SPAM1: variants seen among roughly 807,000 people sequenced by gnomAD.
SPAM1 encodes sperm adhesion molecule 1, also known as hyaluronidase PH-20.
Under a neutral mutation model 29.6 loss-of-function variants are expected in SPAM1, and 22 were observed. That is an observed-to-expected ratio of 0.74 (90% CI 0.53 to 1.06). The LOEUF (loss-of-function observed/expected upper bound fraction) is 1.06, where lower values mean the gene tolerates loss of function less well. Among genes scored for constraint, SPAM1 ranks in the 50% least tolerant of loss-of-function variants. The probability of loss-of-function intolerance (pLI) is 0.00; values close to 1 mark genes in which losing one functional copy is unlikely to be tolerated. For missense variants in SPAM1, 534 were observed against 604.0 expected (o/e 0.88, Z 1.21); for synonymous variants, 194 against 204.6 (o/e 0.95, Z 0.44).
intron 4 of SPAM1, among the ~76,000 whole-genome samples, chr7:123,958,066 T>C (rs1236594590): frequency 1.3e-5 from 2 of 152,018 alleles, no homozygotes; most frequent in African/African-American, 4.8e-5. Context: ...TCACATAAGT[T>C]CACATTGTCA....
At position 123,953,630 on chromosome 7, in the gene SPAM1, A is replaced by G. The variant is rs565160327; in HGVS notation, c.60A>G (p.Val20=). ...FFRSFVKSSG[V]SQIVFTFLLI... is the part of the protein sequence containing the mutation. ...GAAGCTTTGTTAAATCAAGTGGAGT[A>G]TCCCAGATAGTTTTCACCTTCCTTC... The change falls in exon 3 of 5, where the codon GTA becomes GTG. Residue 20 remains valine, a synonymous_variant. Transcript: ENST00000682466. 4.8e-4 allele frequency: 771 copies of G among 1,612,424 alleles called. 15 individuals are homozygous for G. In the South Asian group the frequency reaches 8.1e-3, roughly 17 times the overall value.
chr7:123,934,626 T>A (rs898025596), intron 1 of SPAM1, among the ~76,000 whole-genome samples: 3 of 149,544 alleles, frequency 2.0e-5, no homozygotes, highest in Non-Finnish European at 4.5e-5. Context: ...AAAGAAAATA[T>A]GGTATATAAA....
In SPAM1 at chr7:123,967,357, T is replaced by G. The variant is rs143067966; in HGVS notation, c.1486-2841T>G. On this transcript the variant is annotated intron_variant, in intron 5 of 6. Coordinates refer to the SPAM1 transcript ENST00000340011. ...TGTTTTGTGATTGTCTGCAAGTTCT[T>G]CTGTGTCCTTGAAAGATAATTTTAA... Among the ~76,000 whole-genome samples, 18 of 152,208 alleles carry G rather than the reference T, an allele frequency of 1.2e-4. No homozygotes were observed. In the East Asian group the frequency reaches 3.5e-3, roughly 30 times the overall value.
At chr7:123,964,306 A>G (rs1792395619), downstream of SPAM1, among the ~76,000 whole-genome samples, 1 of 151,850 alleles carries the variant, frequency 6.6e-6, no homozygotes, top group Admixed American at 6.6e-5. Context: ...TCATTTCAAT[A>G]CAGGATATAT....
chr7:123,959,560 A>C lies in SPAM1; in HGVS notation c.1121A>C (p.Lys374Thr), dbSNP rs1792321566. The C allele has an allele frequency of 3.7e-6, 6 of 1,613,192 alleles. No individual in the cohort carries two copies. Among genetic ancestry groups the C allele is most frequent in the Non-Finnish European group, 5.1e-6 (6 of 1,179,516 alleles). ...PYIINVTLAA[K>T]MCSQVLCQEQ... ...ATAATCAACGTCACACTAGCAGCCA[A>C]AATGTGTAGCCAAGTGCTTTGCCAG... Residue 374 changes from lysine (K) to threonine (T), a missense_variant, in exon 5 of 5, where the codon AAA becomes ACA. Physicochemically the swap from Lys to Thr is moderately conservative, Grantham distance 78. Transcript: ENST00000682466.
downstream of SPAM1, among the ~76,000 whole-genome samples, chr7:123,963,353 T>A (rs931810531): frequency 2.0e-5 from 3 of 151,660 alleles, no homozygotes; most frequent in Non-Finnish European, 4.4e-5. Context: ...CTTTTATTTT[T>A]TTTCAGAGTA....
intron 1 of SPAM1, among the ~76,000 whole-genome samples, chr7:123,941,716 T>C (rs1225591962): frequency 1.3e-5 from 2 of 152,210 alleles, no homozygotes; most frequent in Non-Finnish European, 2.9e-5. Context: ...AGTTCCCAGG[T>C]TGACTTTTTC....
chr7:123,931,147 A>G (rs1308688316), intron 1 of SPAM1, among the ~76,000 whole-genome samples: 1 of 152,120 alleles, frequency 6.6e-6, no homozygotes, highest in Non-Finnish European at 1.5e-5. Flanking sequence ...ATACCCCATA[A>G]TGAAGGCCTC....
Position 123,954,228 on chromosome 7 carries a change from C to CT in SPAM1, c.663dup (p.Pro222SerfsTer9). On this transcript the variant is annotated frameshift_variant, in exon 3 of 5. Transcript: ENST00000682466. LOFTEE classifies it high-confidence loss of function. ...GCCAAATCACTTGTGGGGTTATTAT[C>CT]TTTTTCCGGATTGTTACAACCATCA... 6.2e-7 allele frequency: 1 copy of CT among 1,613,490 alleles called. No homozygotes were observed. Among genetic ancestry groups the CT allele is most frequent in the East Asian group, 2.2e-5 (1 of 44,840 alleles).
chr7:123,928,199 C>T (rs1330124248), intron 1 of SPAM1, among the ~76,000 whole-genome samples: 4 of 152,096 alleles, frequency 2.6e-5, no homozygotes, highest in African/African-American at 9.7e-5. Context: ...GCGCTACTTA[C>T]AGGAAAGGCT....
intron 1 of SPAM1, among the ~76,000 whole-genome samples, chr7:123,929,831 C>G (rs531507363): frequency 6.6e-6 from 1 of 151,198 alleles, no homozygotes. Flanking sequence ...GAGATTAGGC[C>G]AGAGTGCTTT....
chr7:123,937,445 C>CA (rs1253612988), intron 1 of SPAM1, among the ~76,000 whole-genome samples: 6 of 151,690 alleles, frequency 4.0e-5, no homozygotes, highest in South Asian at 2.1e-4. Context: ...ACTAAAAATA[C>CA]AAAAAATTAG....
chr7:123,933,420 A>G (rs888958815), intron 1 of SPAM1, among the ~76,000 whole-genome samples: 10 of 152,246 alleles, frequency 6.6e-5, no homozygotes, highest in Admixed American at 2.6e-4. Context: ...TGAAAACCCA[A>G]AGAAACAATT....
chr7:123,936,522 G>A (rs557582451), intron 1 of SPAM1, among the ~76,000 whole-genome samples: 8 of 152,152 alleles, frequency 5.3e-5, no homozygotes, highest in Non-Finnish European at 1.0e-4. Flanking sequence ...AGCAGTTAGG[G>A]GGAATTGCAA....
At position 123,926,346 on chromosome 7, in the gene SPAM1, T is replaced by C. The variant is rs141983949; in HGVS notation, c.-319+994T>C. Among the ~76,000 whole-genome samples the C allele has an allele frequency of 8.2e-3, 1,248 of 152,320 alleles. 10 individuals are homozygous for C. The highest frequency in any genetic ancestry group is 0.012 in the Non-Finnish European group (820 of 68,020). On this transcript the variant is annotated intron_variant, in intron 1 of 4. Transcript: ENST00000682466. ...TTAGAAAAAGGCACGGACCACAGAC[T>C]GTTTCTGTGACTCCATGTTTATTTG...
intron 2 of SPAM1, among the ~76,000 whole-genome samples, chr7:123,950,486 A>T (rs376174459): frequency 2.0e-4 from 31 of 152,110 alleles, no homozygotes; most frequent in African/African-American, 7.5e-4. Context: ...CTCATTGTTT[A>T]GTTCTCATTT....
chr7:123,948,269 T>C (rs1019411693), intron 1 of SPAM1, among the ~76,000 whole-genome samples: 1 of 152,154 alleles, frequency 6.6e-6, no homozygotes, highest in Non-Finnish European at 1.5e-5. Flanking sequence ...TTGGAGTCAC[T>C]GTTACTTGTA....
At chr7:123,935,550 G>A (rs767446588) in intron 1 of SPAM1, among the ~76,000 whole-genome samples, 62 of 152,082 alleles carry the variant, frequency 4.1e-4, no homozygotes, top group Non-Finnish European at 1.0e-4. Context: ...AGTAGTTTAG[G>A]TATTTACAGA....
downstream of SPAM1, among the ~76,000 whole-genome samples, chr7:123,963,521 A>G (rs1435392523): frequency 1.3e-5 from 2 of 151,956 alleles, no homozygotes; most frequent in Non-Finnish European, 1.5e-5. Flanking sequence ...TTTATATTTT[A>G]TATGTGGCAT....
Sources: allele counts gnomAD v4.1 joint callset (sites outside exome capture counted in the v4.1 genomes callset), GRCh38; gene constraint gnomAD v4.1.1; transcripts MANE v1.5; gene names NCBI Gene and HGNC (gene_info 2026-07-23, HGNC 2026-07-21).